The following MAPRE2 variants were observed in gnomAD, a reference collection of about 807,000 sequenced individuals.
MAPRE2 encodes the protein microtubule-associated protein RP/EB family member 2.
A neutral mutation model predicts 43.2 loss-of-function variants in MAPRE2; 13 were observed. The observed-to-expected ratio is 0.30, with a 90% CI of 0.20 to 0.48. The LOEUF (loss-of-function observed/expected upper bound fraction) is 0.48, where lower values mean the gene tolerates loss of function less well. Ranked by LOEUF, MAPRE2 falls within the 20% of genes least tolerant of loss-of-function variation. MAPRE2 has a pLI of 0.99. For synonymous variants in MAPRE2, 135 were observed against 148.8 expected (o/e 0.91, Z 0.68); for missense variants, 161 against 400.2 (o/e 0.40, Z 5.10).
chr18:35,047,151 G>A (rs1191304123), intron 1 of MAPRE2, among the ~76,000 whole-genome samples: 1 of 152,178 alleles, frequency 6.6e-6, no homozygotes, highest in Non-Finnish European at 1.5e-5. Flanking sequence ...AATAGTGTGT[G>A]TGTGTTTACT....
intron 4 of MAPRE2, among the ~76,000 whole-genome samples, chr18:35,103,647 G>C (rs1275936315): frequency 6.6e-6 from 1 of 152,186 alleles, no homozygotes; most frequent in Non-Finnish European, 1.5e-5. Context: ...AAAGGGTAGA[G>C]TGTCTTGAGA....
At chr18:35,088,624 C>A (rs1907988441) in intron 2 of MAPRE2, among the ~76,000 whole-genome samples, 1 of 152,142 alleles carries the variant, frequency 6.6e-6, no homozygotes, top group African/African-American at 2.4e-5. Flanking sequence ...GCACAAAAGT[C>A]TGTGTATCTG....
At chr18:35,097,301 A>C in intron 2 of MAPRE2, 145 bp from the exon 3 acceptor site, 1 of 679,904 alleles carries the variant, frequency 1.5e-6, no homozygotes, top group Middle Eastern at 3.9e-4. Context: ...GTGGACAAGG[A>C]GATATAAGCG....
At chr18:35,043,120 A>G (rs1168417925) in intron 1 of MAPRE2, among the ~76,000 whole-genome samples, 2 of 152,170 alleles carry the variant, frequency 1.3e-5, no homozygotes, top group African/African-American at 2.4e-5. Flanking sequence ...TTCCTCCACA[A>G]CTTCTGGAGA....
chr18:35,094,067 G>A (rs990832613), intron 2 of MAPRE2, among the ~76,000 whole-genome samples: 1 of 151,966 alleles, frequency 6.6e-6, no homozygotes, highest in African/African-American at 2.4e-5. Flanking sequence ...GAAATACCAA[G>A]TAAATATTTT....
intron 1 of MAPRE2, among the ~76,000 whole-genome samples, chr18:35,055,955 CAAAA>C (rs373569809): frequency 5.4e-5 from 5 of 92,654 alleles, no homozygotes; most frequent in Admixed American, 1.1e-4. Context: ...ACTCTTGTCT[CAAAA>C]AAAAAAAAAA....
intron 1 of MAPRE2, among the ~76,000 whole-genome samples, chr18:35,000,197 A>T (rs1443921350): frequency 6.6e-6 from 1 of 152,178 alleles, no homozygotes; most frequent in Non-Finnish European, 1.5e-5. Flanking sequence ...AACTCCCTAG[A>T]TGAAAACTTG....
intron 1 of MAPRE2, among the ~76,000 whole-genome samples, chr18:35,060,641 G>T (rs928429597): frequency 5.9e-4 from 89 of 152,106 alleles, no homozygotes; most frequent in African/African-American, 1.9e-3. Flanking sequence ...TCATTTCAGG[G>T]CTGTAGCTAT....
At chr18:35,033,538 A>C (rs1329381349) in intron 2 of MAPRE2, among the ~76,000 whole-genome samples, 1 of 151,906 alleles carries the variant, frequency 6.6e-6, no homozygotes, top group Non-Finnish European at 1.5e-5. Flanking sequence ...AAGGAAATAA[A>C]GGGTATTCAA....
chr18:35,126,351 C>T (rs1389754441), intron 4 of MAPRE2, among the ~76,000 whole-genome samples: 25 of 152,182 alleles, frequency 1.6e-4, no homozygotes, highest in Admixed American at 1.6e-3. Context: ...TTACCCTGAA[C>T]ATTCCCTGCA....
intron 2 of MAPRE2, among the ~76,000 whole-genome samples, chr18:35,078,935 G>T (rs1368981666): frequency 6.6e-6 from 1 of 152,084 alleles, no homozygotes; most frequent in Non-Finnish European, 1.5e-5. Flanking sequence ...GTAGAGTGGG[G>T]AAAGAGCCGC....
chr18:35,073,025 C>G (rs746843586), intron 2 of MAPRE2, among the ~76,000 whole-genome samples: 18 of 152,060 alleles, frequency 1.2e-4, no homozygotes, highest in Non-Finnish European at 2.2e-4. Context: ...ACTATAGACT[C>G]TATTCTTTTA....
chr18:34,991,432 T>C (rs1319329031), intron 1 of MAPRE2, among the ~76,000 whole-genome samples: 1 of 152,212 alleles, frequency 6.6e-6, no homozygotes, highest in Non-Finnish European at 1.5e-5. Context: ...AGAACTATTA[T>C]TTGCCTTATT....
At chr18:35,128,268 C>A (rs1375583771) in intron 5 of MAPRE2, among the ~76,000 whole-genome samples, 2 of 152,164 alleles carry the variant, frequency 1.3e-5, no homozygotes, top group Admixed American at 1.3e-4. Context: ...TCAGTTTGAG[C>A]CCTGTTTCCA....
At chr18:35,117,798 T>C (rs1253935854) in intron 4 of MAPRE2, among the ~76,000 whole-genome samples, 2 of 152,184 alleles carry the variant, frequency 1.3e-5, no homozygotes, top group African/African-American at 4.8e-5. Flanking sequence ...TTAATGTGTT[T>C]TAAAGGACAC....
intron 6 of MAPRE2, among the ~76,000 whole-genome samples, chr18:35,137,715 GGA>G (rs1910450687): frequency 6.6e-6 from 1 of 152,196 alleles, no homozygotes; most frequent in South Asian, 2.1e-4. Flanking sequence ...GAGCCCGGCT[GGA>G]GAGACAGATG....
intron 2 of MAPRE2, among the ~76,000 whole-genome samples, chr18:35,030,293 A>C (rs893201471): frequency 3.9e-5 from 6 of 152,036 alleles, no homozygotes; most frequent in African/African-American, 1.5e-4. Context: ...TGCTTCCTAC[A>C]CGGAAGTGCC....
At chr18:35,070,440 A>G (rs544257412) in intron 2 of MAPRE2, 118 bp downstream of exon 2, 3 of 859,504 alleles carry the variant, frequency 3.5e-6, no homozygotes, top group Non-Finnish European at 3.3e-6. Context: ...TGCTATTGGC[A>G]TGTAATTAAA....
At chr18:35,072,462 G>T (rs1305454765) in intron 2 of MAPRE2, among the ~76,000 whole-genome samples, 2 of 152,168 alleles carry the variant, frequency 1.3e-5, no homozygotes, top group Non-Finnish European at 2.9e-5. Flanking sequence ...TAAGGAAAAG[G>T]CTCACAGAGA....
Sources: gnomAD v4.1 joint callset for allele counts (sites outside exome capture counted in the v4.1 genomes callset) on GRCh38, gnomAD v4.1.1 for gene constraint, MANE v1.5 for transcripts, NCBI Gene and HGNC (gene_info 2026-07-23, HGNC 2026-07-21) for gene names.